The following DGKB variants were observed in gnomAD, a reference collection of about 807,000 sequenced individuals.
DGKB encodes 90 kDa diacylglycerol kinase.
A neutral mutation model predicts 114.3 loss-of-function variants in DGKB; 67 were observed. The ratio of observed to expected loss-of-function variants is 0.59; its 90% CI spans 0.48 to 0.72. The LOEUF (loss-of-function observed/expected upper bound fraction) is 0.72. DGKB is among the 30% of genes least tolerant of loss of function. The pLI, the probability that DGKB is intolerant of heterozygous loss-of-function variation, is 0.00. For missense variants in DGKB, 907 were observed against 975.2 expected, an observed-to-expected ratio of 0.93 and a Z score of 0.93; for synonymous variants, 398 against 323.1, an observed-to-expected ratio of 1.23 and a Z score of -2.49.
chr7:14,865,440 C>T (rs766276692), intron 1 of DGKB, among the ~76,000 whole-genome samples: 2 of 152,162 alleles, frequency 1.3e-5, no homozygotes, highest in Non-Finnish European at 2.9e-5. Flanking sequence ...AGCTCCTCAC[C>T]TTATTGGCCA....
chr7:14,881,273 A>C (rs1185351990), intron 1 of DGKB, among the ~76,000 whole-genome samples: 2 of 152,130 alleles, frequency 1.3e-5, no homozygotes, highest in African/African-American at 2.4e-5. Context: ...TGGCCATTAG[A>C]GTCACCTCTA....
intron 23 of DGKB, among the ~76,000 whole-genome samples, chr7:14,276,019 G>C (rs1798936212): frequency 6.6e-6 from 1 of 152,146 alleles, no homozygotes; most frequent in Non-Finnish European, 1.5e-5. Context: ...ATACTATAGT[G>C]ATAGACCTAT....
At chr7:14,250,978 A>C (rs1350964916) in intron 23 of DGKB, among the ~76,000 whole-genome samples, 5 of 152,110 alleles carry the variant, frequency 3.3e-5, no homozygotes, top group Non-Finnish European at 7.4e-5. Context: ...TATTTGCAGG[A>C]AATATCTCTT....
At chr7:14,912,805 A>G (rs1784060518) in intron 1 of DGKB, among the ~76,000 whole-genome samples, 1 of 151,938 alleles carries the variant, frequency 6.6e-6, no homozygotes, top group Non-Finnish European at 1.5e-5. Flanking sequence ...TTTCCCACAC[A>G]TATGAGTGTC....
intron 25 of DGKB, among the ~76,000 whole-genome samples, chr7:14,165,804 T>C (rs1784537911): frequency 6.6e-6 from 1 of 152,236 alleles, no homozygotes; most frequent in African/African-American, 2.4e-5. Context: ...GTAGATGCCC[T>C]AGGCTGTGTT....
intron 23 of DGKB, among the ~76,000 whole-genome samples, chr7:14,200,675 CA>C (rs1785724683): frequency 6.6e-6 from 1 of 151,952 alleles, no homozygotes; most frequent in Admixed American, 6.6e-5. Flanking sequence ...CTTAGTAGAT[CA>C]ATGTATGCCA....
chr7:14,848,830 G>C lies in DGKB; in HGVS notation c.-187-7380C>G, dbSNP rs147319375. On this transcript the variant is annotated intron_variant, in intron 1 of 25. Coordinates refer to ENST00000402815, the MANE Select transcript of DGKB (RefSeq NM_001350709.2). ...CATATTTGTTCCAGAGCTCCCCAATGGGCTGGTTGAGAATTTATCAGGTCT... is the reference window on the plus strand; with the variant it reads ...CATATTTGTTCCAGAGCTCCCCAATCGGCTGGTTGAGAATTTATCAGGTCT... 8.9e-3 allele frequency among the ~76,000 whole-genome samples: 1,360 copies of C among 152,170 alleles called. 12 individuals carry two copies. The highest frequency in any genetic ancestry group is 0.031 in the African/African-American group (1,307 of 41,524).
chr7:14,487,244 C>T (rs1046541293), intron 20 of DGKB, among the ~76,000 whole-genome samples: 9 of 152,144 alleles, frequency 5.9e-5, no homozygotes, highest in African/African-American at 1.7e-4. Flanking sequence ...GCAAACAACA[C>T]GCCTGTCCCT....
chr7:14,858,802 A>G (rs1305949488), intron 1 of DGKB, among the ~76,000 whole-genome samples: 1 of 152,196 alleles, frequency 6.6e-6, no homozygotes, highest in Non-Finnish European at 1.5e-5. Flanking sequence ...GATAAAGACT[A>G]GCCAGCAAAA....
chr7:14,406,071 G>C (rs921776963), intron 21 of DGKB, among the ~76,000 whole-genome samples: 5 of 152,010 alleles, frequency 3.3e-5, no homozygotes, highest in Admixed American at 6.6e-5. Flanking sequence ...AGAGAAGTTG[G>C]ATCCAAAGAA....
intron 2 of DGKB, among the ~76,000 whole-genome samples, chr7:14,809,382 T>A (rs1341161372): frequency 6.6e-6 from 1 of 151,642 alleles, no homozygotes; most frequent in Non-Finnish European, 1.5e-5. Context: ...AACATGGGAG[T>A]GAAACATGAA....
intron 21 of DGKB, among the ~76,000 whole-genome samples, chr7:14,390,096 C>G (rs922547583): frequency 5.9e-5 from 9 of 152,138 alleles, no homozygotes; most frequent in African/African-American, 2.2e-4. Context: ...GCATATCATA[C>G]TGCTGTTTCA....
intron 23 of DGKB, among the ~76,000 whole-genome samples, chr7:14,238,724 T>C (rs1213894201): frequency 6.6e-6 from 1 of 151,934 alleles, no homozygotes; most frequent in Non-Finnish European, 1.5e-5. Flanking sequence ...ATCCTCTCTA[T>C]GTGGGATGTC....
chr7:14,944,279 T>C lies in DGKB; in HGVS notation c.-188+30417A>G, dbSNP rs193124517. Among the ~76,000 whole-genome samples the C allele has an allele frequency of 2.3e-3, 356 of 151,974 alleles. 1 individual carries two copies. Among genetic ancestry groups the C allele is most frequent in the African/African-American group, 7.9e-3 (329 of 41,528 alleles). On this transcript the variant is annotated intron_variant, in intron 1 of 4. Coordinates refer to the DGKB transcript ENST00000437998. ...GATAGATCCAGGAATACGAATTTAT[T>C]TTGTATCATTTAACACCAATAGCAA...
intron 23 of DGKB, among the ~76,000 whole-genome samples, chr7:14,307,589 C>T (rs1477954450): frequency 2.0e-5 from 3 of 152,116 alleles, no homozygotes; most frequent in African/African-American, 2.4e-5. Context: ...AAATGCAGAT[C>T]TTTACCACAT....
intron 2 of DGKB, among the ~76,000 whole-genome samples, chr7:14,769,508 C>T (rs545398616): frequency 6.7e-6 from 1 of 149,710 alleles, no homozygotes; most frequent in African/African-American, 2.5e-5. Flanking sequence ...AGCACCATCT[C>T]ATAAATTTAT....
chr7:14,184,889 C>T (rs1324754858), intron 23 of DGKB, among the ~76,000 whole-genome samples: 3 of 152,046 alleles, frequency 2.0e-5, no homozygotes, highest in Non-Finnish European at 4.4e-5. Flanking sequence ...GTAATAAAAG[C>T]CATCTATTAC....
chr7:14,203,213 C>G (rs1049537355), intron 23 of DGKB, among the ~76,000 whole-genome samples: 16 of 147,068 alleles, frequency 1.1e-4, no homozygotes, highest in Non-Finnish European at 2.2e-4. Flanking sequence ...CGTCTATCCT[C>G]TAAGGTTTTC....
At chr7:14,836,127 C>G (rs1183379340) in intron 2 of DGKB, among the ~76,000 whole-genome samples, 1 of 152,140 alleles carries the variant, frequency 6.6e-6, no homozygotes, top group Non-Finnish European at 1.5e-5. Flanking sequence ...GAAAACAGGG[C>G]TGGGATTCCA....
Sources: gnomAD v4.1 joint callset for allele counts (sites outside exome capture counted in the v4.1 genomes callset) on GRCh38, gnomAD v4.1.1 for gene constraint, MANE v1.5 for transcripts, NCBI Gene and HGNC (gene_info 2026-07-23, HGNC 2026-07-21) for gene names.